Variants in WWOX observed in about 807,000 individuals in gnomAD.
WWOX encodes the protein WW domain containing oxidoreductase.
WWOX carries 69 observed loss-of-function variants against 46.2 expected under a neutral mutation model. The observed-to-expected ratio is 1.49, with a 90% CI of 1.23 to 1.82. The LOEUF is 1.82. WWOX is among the 40% of genes most tolerant of loss of function. The probability of loss-of-function intolerance (pLI) is 0.00; values close to 1 mark genes in which losing one functional copy is unlikely to be tolerated. For missense variants in WWOX, 919 were observed against 542.6 expected (o/e 1.69, Z -6.89); for synonymous variants, 359 against 202.6 (o/e 1.77, Z -6.56).
rs898929545 is a variant in WWOX at position 79,212,201 on chromosome 16, T to G, written c.*405T>G. 1.4e-5 allele frequency: 21 copies of G among 1,452,548 alleles called. No individual in the cohort carries two copies. In the African/African-American group the frequency reaches 2.3e-4, roughly 16 times the overall value. The allele number at this position is 1,452,548 out of a possible 1,614,324, so 90.0% of individuals were successfully genotyped here. On this transcript the variant is annotated 3_prime_UTR_variant, in exon 9 of 9. Transcript: ENST00000566780. ...CAGCCGGGGGCTGGCCTTCTCCTACTTAGGGAAGAAAAAGCAAGTGTTCAC... is the reference window on the plus strand; with the variant it reads ...CAGCCGGGGGCTGGCCTTCTCCTACGTAGGGAAGAAAAAGCAAGTGTTCAC...
intron 8 of WWOX, among the ~76,000 whole-genome samples, chr16:79,123,730 G>A (rs1162614940): frequency 5.9e-5 from 9 of 152,080 alleles, no homozygotes; most frequent in Non-Finnish European, 1.5e-5. Context: ...TAATGTGAGT[G>A]GGGTGAAATA....
intron 6 of WWOX, among the ~76,000 whole-genome samples, chr16:78,404,181 G>T (rs966460449): frequency 2.0e-5 from 3 of 152,096 alleles, no homozygotes; most frequent in Non-Finnish European, 2.9e-5. Flanking sequence ...GGACTCGGGG[G>T]TTTTTTAAAA....
chr16:78,376,415 C>A (rs764562487), intron 5 of WWOX, among the ~76,000 whole-genome samples: 1 of 152,024 alleles, frequency 6.6e-6, no homozygotes, highest in Non-Finnish European at 1.5e-5. Context: ...CCAGGCTGTC[C>A]CTGTTCTTAT....
chr16:79,180,739 G>A (rs2050894726), intron 8 of WWOX, among the ~76,000 whole-genome samples: 1 of 151,304 alleles, frequency 6.6e-6, no homozygotes, highest in South Asian at 2.1e-4. Flanking sequence ...ATCTGTCTGT[G>A]TATATCTATT....
chr16:78,492,385 T>C (rs2084805965), intron 8 of WWOX, among the ~76,000 whole-genome samples: 1 of 152,230 alleles, frequency 6.6e-6, no homozygotes, highest in Admixed American at 6.5e-5. Context: ...TTTGTGACTC[T>C]AGCAATTAAG....
rs555683325 is a variant in WWOX, at chr16:78,313,547, G to C, written c.517-73313G>C. ...CACCCAGCTAATTTTTGTGTTTTTAGTAGAGACGGGGTTTCTCCATGTTGG... is the reference window on the plus strand; with the variant it reads ...CACCCAGCTAATTTTTGTGTTTTTACTAGAGACGGGGTTTCTCCATGTTGG... On this transcript the variant is annotated intron_variant, in intron 5 of 8. Transcript: ENST00000566780. Among the ~76,000 whole-genome samples the C allele has an allele frequency of 3.3e-5, 5 of 152,262 alleles. No homozygotes were observed. The East Asian group carries it at 7.7e-4, about 24-fold the overall frequency.
At chr16:78,726,127 C>T (rs1406051075) in intron 8 of WWOX, among the ~76,000 whole-genome samples, 3 of 142,532 alleles carry the variant, frequency 2.1e-5, no homozygotes, top group Admixed American at 7.1e-5. Context: ...CTCCCTCTCT[C>T]CCTCTCTCTT....
At chr16:78,243,011 A>G (rs2037706660) in intron 5 of WWOX, among the ~76,000 whole-genome samples, 1 of 152,102 alleles carries the variant, frequency 6.6e-6, no homozygotes, top group Admixed American at 6.6e-5. Context: ...GTCTCAAAAA[A>G]AACCAAAAAC....
At chr16:79,081,302 T>C (rs1375897192) in intron 8 of WWOX, among the ~76,000 whole-genome samples, 1 of 152,188 alleles carries the variant, frequency 6.6e-6, no homozygotes, top group African/African-American at 2.4e-5. Flanking sequence ...GAGCTGGGAT[T>C]ACAGGTGTGC....
intron 8 of WWOX, among the ~76,000 whole-genome samples, chr16:78,746,718 C>G (rs1228811056): frequency 2.6e-5 from 4 of 151,890 alleles, no homozygotes; most frequent in Non-Finnish European, 5.9e-5. Flanking sequence ...TCAGCTTGGG[C>G]TGCAGAATGA....
intron 8 of WWOX, among the ~76,000 whole-genome samples, chr16:78,862,098 G>GGTTGTGTCTA (rs1450750619): frequency 6.6e-6 from 1 of 151,544 alleles, no homozygotes; most frequent in Non-Finnish European, 1.5e-5. Context: ...GGGTGTGTCT[G>GGTTGTGTCTA]TATCTATACA....
intron 8 of WWOX, among the ~76,000 whole-genome samples, chr16:79,131,418 ATGT>A (rs749763452): frequency 3.9e-5 from 6 of 152,082 alleles, no homozygotes; most frequent in Non-Finnish European, 7.4e-5. Context: ...GGGAAAAAAA[ATGT>A]TGTTTGTGTT....
chr16:78,330,685 G>A (rs1237594327), intron 5 of WWOX, among the ~76,000 whole-genome samples: 3 of 152,292 alleles, frequency 2.0e-5, no homozygotes, highest in East Asian at 1.9e-4. Flanking sequence ...GTGAACCACC[G>A]TGCCCGGCAG....
intron 8 of WWOX, among the ~76,000 whole-genome samples, chr16:78,675,065 A>G (rs1273946437): frequency 6.6e-6 from 1 of 152,228 alleles, no homozygotes; most frequent in Non-Finnish European, 1.5e-5. Context: ...TAAATGGTAC[A>G]TGTGAGTCTT....
chr16:78,171,043 G>C (rs1014359558), intron 5 of WWOX, among the ~76,000 whole-genome samples: 1 of 152,200 alleles, frequency 6.6e-6, no homozygotes, highest in African/African-American at 2.4e-5. Context: ...TGTGATTGCA[G>C]CCTCATTGAT....
intron 8 of WWOX, among the ~76,000 whole-genome samples, chr16:79,055,162 C>G (rs2048238815): frequency 6.6e-6 from 1 of 152,150 alleles, no homozygotes; most frequent in Admixed American, 6.5e-5. Context: ...AGATATGCAC[C>G]TTTTAATTGA....
At chr16:79,049,212 A>G (rs796974649) in intron 8 of WWOX, among the ~76,000 whole-genome samples, 13 of 152,362 alleles carry the variant, frequency 8.5e-5, no homozygotes, top group African/African-American at 3.1e-4. Flanking sequence ...TGGCTGTTAC[A>G]TAATGAGTGG....
At chr16:78,594,245 C>A (rs991674329) in intron 8 of WWOX, among the ~76,000 whole-genome samples, 2 of 152,006 alleles carry the variant, frequency 1.3e-5, no homozygotes, top group African/African-American at 4.8e-5. Flanking sequence ...GTGTGTGCAT[C>A]AATTCATATG....
chr16:79,153,312 G>T (rs570679681), intron 8 of WWOX, among the ~76,000 whole-genome samples: 1 of 152,058 alleles, frequency 6.6e-6, no homozygotes, highest in Admixed American at 6.6e-5. Context: ...TTTTCTGGAG[G>T]GTCTAGAGTC....
Sources: allele counts gnomAD v4.1 joint callset (sites outside exome capture counted in the v4.1 genomes callset), GRCh38; gene constraint gnomAD v4.1.1; transcripts MANE v1.5; gene names NCBI Gene and HGNC (gene_info 2026-07-23, HGNC 2026-07-21).